DNAAF11: variants seen among roughly 807,000 people sequenced by gnomAD.
DNAAF11 encodes the protein leucine rich repeat containing 6.
In DNAAF11, 45 loss-of-function variants were observed where a neutral mutation model predicts 60.8. The observed-to-expected ratio is 0.74, with a 90% CI of 0.58 to 0.95. The LOEUF is 0.95. Ranked by LOEUF, DNAAF11 falls within the 40% of genes least tolerant of loss-of-function variation. DNAAF11 has a pLI of 0.00. For missense variants in DNAAF11, 546 were observed against 546.2 expected (o/e 1.00, Z 0.00); for synonymous variants, 191 against 183.5 (o/e 1.04, Z -0.33).
At chr8:132,615,422 G>A (rs1047220832) in intron 7 of DNAAF11, among the ~76,000 whole-genome samples, 1 of 152,188 alleles carries the variant, frequency 6.6e-6, no homozygotes, top group African/African-American at 2.4e-5. Context: ...TTTGCCAGAA[G>A]CAAACTAAAA....
At chr8:132,629,998 CTAAA>C (rs1820646159) in intron 5 of DNAAF11, among the ~76,000 whole-genome samples, 1 of 152,132 alleles carries the variant, frequency 6.6e-6, no homozygotes, top group Non-Finnish European at 1.5e-5. Context: ...AGAAGAAGAT[CTAAA>C]TAAATAGAGC....
intron 3 of DNAAF11, among the ~76,000 whole-genome samples, chr8:132,645,809 C>T (rs971935736): frequency 6.6e-6 from 1 of 152,112 alleles, no homozygotes; most frequent in Non-Finnish European, 1.5e-5. Flanking sequence ...AAGAAATGAA[C>T]AAATCCTCCA....
intron 2 of DNAAF11, among the ~76,000 whole-genome samples, chr8:132,658,861 T>C (rs1465977074): frequency 6.6e-6 from 1 of 152,052 alleles, no homozygotes; most frequent in Non-Finnish European, 1.5e-5. Context: ...AGGGCCCAAC[T>C]TGGACACAGC....
intron 8 of DNAAF11, among the ~76,000 whole-genome samples, chr8:132,612,105 C>T (rs1818721900): frequency 6.6e-6 from 1 of 152,142 alleles, no homozygotes; most frequent in South Asian, 2.1e-4. Flanking sequence ...GTCACACAGG[C>T]TTGTGGGGAA....
chr8:132,608,595 G>A (rs1564016214), intron 10 of DNAAF11: 1 of 375,218 alleles, frequency 2.7e-6, no homozygotes, highest in Admixed American at 2.9e-5. Flanking sequence ...TTTCCCTTTA[G>A]GAATTAGCAG....
intron 5 of DNAAF11, among the ~76,000 whole-genome samples, chr8:132,628,571 A>T (rs2130383896): frequency 6.6e-6 from 1 of 152,264 alleles, no homozygotes; most frequent in East Asian, 1.9e-4. Flanking sequence ...CAAGAGGTAG[A>T]TGTTCATCTC....
Position 132,610,167 on chromosome 8 carries a change from T to C in DNAAF11, c.1139A>G (p.Lys380Arg). ...TTGHLVICMPKVGEVITGGQR... is the reference protein window; with the variant it reads ...TTGHLVICMPRVGEVITGGQR... ...ATTGACCCAAATGACATGACCTACCTTGGGCATGCAGATGACCAAATGACC... is the reference window on the plus strand; with the variant it reads ...ATTGACCCAAATGACATGACCTACCCTGGGCATGCAGATGACCAAATGACC... The change falls in exon 10 of 12, where the codon AAG (lysine) becomes AGG (arginine). Residue 380 changes from lysine to arginine, a missense_variant and splice_region_variant. Coordinates refer to ENST00000620350, the MANE Select transcript of DNAAF11 (RefSeq NM_012472.6). 5.0e-6 allele frequency: 8 copies of C among 1,612,654 alleles called. No homozygotes were observed. Among genetic ancestry groups the C allele is most frequent in the Non-Finnish European group, 6.8e-6 (8 of 1,178,722 alleles).
At chr8:132,700,511 C>T in the DNAAF11 span, among the ~76,000 whole-genome samples, 1 of 131,858 alleles carries the variant, frequency 7.6e-6, no homozygotes, top group Non-Finnish European at 1.6e-5. Flanking sequence ...AAAAGTAAGA[C>T]CCCCACCTCT....
chr8:132,646,769 G>A (rs1822437702), intron 3 of DNAAF11, among the ~76,000 whole-genome samples: 1 of 151,764 alleles, frequency 6.6e-6, no homozygotes, highest in African/African-American at 2.4e-5. Flanking sequence ...AATGGTAAAG[G>A]GATCAATTCA....
chr8:132,643,511 G>A, intron 3 of DNAAF11: 1 of 392,638 alleles, frequency 2.5e-6, no homozygotes, highest in South Asian at 1.9e-5. Flanking sequence ...TCCCAACACA[G>A]TTAATTCAAA....
chr8:132,677,332 G>T (rs1047370740), upstream of DNAAF11, among the ~76,000 whole-genome samples: 6 of 152,258 alleles, frequency 3.9e-5, no homozygotes, highest in South Asian at 6.2e-4. Context: ...AAAGCATGAG[G>T]TCAGGCCTAC....
chr8:132,684,065 A>G, the DNAAF11 span, among the ~76,000 whole-genome samples: 1 of 152,148 alleles, frequency 6.6e-6, no homozygotes, highest in Non-Finnish European at 1.5e-5. Context: ...TGCCTATTGC[A>G]AGCTTTGGTG....
chr8:132,700,439 G>C, the DNAAF11 span, among the ~76,000 whole-genome samples: 1 of 151,422 alleles, frequency 6.6e-6, no homozygotes, highest in East Asian at 1.9e-4. Context: ...TAATCCCAAC[G>C]TTTTGGGAGG....
the DNAAF11 span, among the ~76,000 whole-genome samples, chr8:132,681,683 G>C: frequency 6.6e-6 from 1 of 152,146 alleles, no homozygotes; most frequent in Admixed American, 6.5e-5. Flanking sequence ...TAGTAATCAA[G>C]TGGAAGTAGA....
chr8:132,642,160 A>ATAACTTTCAT (rs1821921043), intron 3 of DNAAF11, among the ~76,000 whole-genome samples: 1 of 152,246 alleles, frequency 6.6e-6, no homozygotes, highest in African/African-American at 2.4e-5. Flanking sequence ...TAATTTTCTC[A>ATAACTTTCAT]AATGTTGTAA....
At chr8:132,573,819 T>A (rs1294649129) in intron 11 of DNAAF11, among the ~76,000 whole-genome samples, 1 of 152,162 alleles carries the variant, frequency 6.6e-6, no homozygotes, top group East Asian at 1.9e-4. Context: ...TCCTTCACAC[T>A]ATTTTGACTA....
chr8:132,639,561 T>C (rs918211709), intron 3 of DNAAF11, among the ~76,000 whole-genome samples: 2 of 152,216 alleles, frequency 1.3e-5, no homozygotes, highest in Non-Finnish European at 2.9e-5. Flanking sequence ...TGTATCACCT[T>C]TGGTGAGGTT....
At chr8:132,591,054 T>G (rs1816410157) in intron 10 of DNAAF11, among the ~76,000 whole-genome samples, 1 of 152,206 alleles carries the variant, frequency 6.6e-6, no homozygotes, top group Admixed American at 6.5e-5. Context: ...TGTACATAAA[T>G]TGTATATTGT....
At chr8:132,589,423 C>G (rs1208112751) in intron 10 of DNAAF11, among the ~76,000 whole-genome samples, 1 of 152,128 alleles carries the variant, frequency 6.6e-6, no homozygotes, top group African/African-American at 2.4e-5. Flanking sequence ...AGTTACTCAC[C>G]TCAGCTCAAG....
Sources: allele counts gnomAD v4.1 joint callset (sites outside exome capture counted in the v4.1 genomes callset), GRCh38; gene constraint gnomAD v4.1.1; transcripts MANE v1.5; gene names NCBI Gene and HGNC (gene_info 2026-07-23, HGNC 2026-07-21).